The following ZBTB7C variants were observed in gnomAD, a reference collection of about 807,000 sequenced individuals.
The protein encoded by ZBTB7C is zinc finger and BTB domain containing 7C.
In ZBTB7C, 8 loss-of-function variants were observed where a neutral mutation model predicts 25.7. The observed-to-expected ratio is 0.31, with a 90% CI of 0.18 to 0.56. ZBTB7C has a LOEUF of 0.56. Among genes scored for constraint, ZBTB7C ranks in the 20% least tolerant of loss-of-function variants. The pLI, the probability that ZBTB7C is intolerant of heterozygous loss-of-function variation, is 0.91. For synonymous variants in ZBTB7C, 394 were observed against 369.0 expected, an observed-to-expected ratio of 1.07 and a Z score of -0.78; for missense variants, 824 against 855.2, an observed-to-expected ratio of 0.96 and a Z score of 0.46.
chr18:48,118,005 T>C (rs1008711651), intron 3 of ZBTB7C, among the ~76,000 whole-genome samples: 48 of 149,574 alleles, frequency 3.2e-4, no homozygotes, highest in Middle Eastern at 3.5e-3. Flanking sequence ...CTTCTTCTTT[T>C]TTTTTTTTTT....
At chr18:48,347,617 G>T (rs1176764011) in intron 1 of ZBTB7C, among the ~76,000 whole-genome samples, 3 of 152,100 alleles carry the variant, frequency 2.0e-5, no homozygotes, top group African/African-American at 7.2e-5. Context: ...CATGCTATGG[G>T]GTGGGCAGCC....
At chr18:48,359,983 C>T (rs1349928244) in intron 1 of ZBTB7C, among the ~76,000 whole-genome samples, 1 of 152,146 alleles carries the variant, frequency 6.6e-6, no homozygotes, top group Non-Finnish European at 1.5e-5. Context: ...TCCATAGGCC[C>T]AGCCAAAGCA....
rs899141758 is a variant in ZBTB7C at position 48,029,653 on chromosome 18, G to T, written c.1467C>A (p.Ala489=). ...GGCCGCCGGGCCCGAAGAGCAGGCT[G>T]GCGGCCCTCCACGCAGCAGGCTTGC... ...RGRKPAAWRA[A]SLLFGPGGPA... Residue 489 remains alanine, a synonymous_variant, in exon 5 of 5, where the codon GCC becomes GCA. Transcript: ENST00000590800. 13 of 1,552,828 alleles carry T rather than the reference G, an allele frequency of 8.4e-6. No individual in the cohort carries two copies. Among genetic ancestry groups the T allele is most frequent in the Middle Eastern group, 1.7e-4 (1 of 5,804 alleles).
intron 3 of ZBTB7C, among the ~76,000 whole-genome samples, chr18:48,147,293 G>A (rs1222927102): frequency 2.0e-5 from 3 of 152,166 alleles, no homozygotes; most frequent in Non-Finnish European, 4.4e-5. Context: ...GGCCAGGCTG[G>A]TCTCGAACTC....
At chr18:48,349,834 G>T (rs187849470) in intron 1 of ZBTB7C, among the ~76,000 whole-genome samples, 239 of 152,220 alleles carry the variant, frequency 1.6e-3, no homozygotes, top group African/African-American at 5.4e-3. Context: ...TTAAAGGGAG[G>T]GGGAGAGAGA....
chr18:48,162,830 G>A (rs890916252), intron 3 of ZBTB7C, among the ~76,000 whole-genome samples: 2 of 152,226 alleles, frequency 1.3e-5, no homozygotes, highest in African/African-American at 2.4e-5. Context: ...AATAAGAGAC[G>A]CAGGATGGAG....
chr18:48,115,272 G>A (rs182335484), intron 3 of ZBTB7C, among the ~76,000 whole-genome samples: 4 of 150,682 alleles, frequency 2.7e-5, no homozygotes, highest in South Asian at 2.1e-4. Flanking sequence ...TTTTTTAGAC[G>A]GAGTCTTGCT....
chr18:48,197,150 C>T (rs1197251041), intron 2 of ZBTB7C, among the ~76,000 whole-genome samples: 1 of 152,094 alleles, frequency 6.6e-6, no homozygotes, highest in Non-Finnish European at 1.5e-5. Context: ...GGAGCTGCTA[C>T]AGCCATTTTG....
chr18:48,271,544 A>G (rs2044486087), intron 2 of ZBTB7C, among the ~76,000 whole-genome samples: 1 of 148,056 alleles, frequency 6.8e-6, no homozygotes, highest in Non-Finnish European at 1.5e-5. Context: ...ATATATTTCT[A>G]TTAAATATAT....
chr18:48,102,385 T>C (rs546453829), intron 3 of ZBTB7C, among the ~76,000 whole-genome samples: 2 of 152,116 alleles, frequency 1.3e-5, no homozygotes, highest in South Asian at 4.2e-4. Flanking sequence ...GCAACATAGC[T>C]AGACCTTTGT....
At chr18:48,322,733 G>C (rs1050741535) in intron 2 of ZBTB7C, among the ~76,000 whole-genome samples, 7 of 152,160 alleles carry the variant, frequency 4.6e-5, no homozygotes, top group Non-Finnish European at 1.0e-4. Context: ...ACACAAAAAA[G>C]ATACTTGCAC....
chr18:48,287,552 T>C (rs2144669177), intron 2 of ZBTB7C, among the ~76,000 whole-genome samples: 1 of 152,300 alleles, frequency 6.6e-6, no homozygotes, highest in South Asian at 2.1e-4. Context: ...AATGAAAGAC[T>C]ACTTTGTAAC....
At chr18:48,166,565 C>T (rs1444706656) in intron 3 of ZBTB7C, among the ~76,000 whole-genome samples, 1 of 152,196 alleles carries the variant, frequency 6.6e-6, no homozygotes, top group African/African-American at 2.4e-5. Context: ...CCTGTGGAAG[C>T]TCAGAGTCCC....
At chr18:48,297,717 C>T (rs973063968) in intron 2 of ZBTB7C, among the ~76,000 whole-genome samples, 11 of 152,306 alleles carry the variant, frequency 7.2e-5, no homozygotes, top group South Asian at 2.1e-4. Context: ...CCATACATCA[C>T]GGTTAAAAAT....
At chr18:48,092,035 A>G (rs886252477) in intron 3 of ZBTB7C, among the ~76,000 whole-genome samples, 3 of 152,214 alleles carry the variant, frequency 2.0e-5, no homozygotes, top group Non-Finnish European at 4.4e-5. Flanking sequence ...GTGGCAGCAT[A>G]GATTCTATGT....
At chr18:48,303,942 C>T (rs1363316480) in intron 2 of ZBTB7C, among the ~76,000 whole-genome samples, 3 of 152,236 alleles carry the variant, frequency 2.0e-5, no homozygotes, top group Non-Finnish European at 4.4e-5. Context: ...AGGTGCTGTT[C>T]TAAGCCCTTA....
chr18:48,202,478 G>T (rs2042476252), intron 2 of ZBTB7C, among the ~76,000 whole-genome samples: 1 of 151,836 alleles, frequency 6.6e-6, no homozygotes, highest in South Asian at 2.1e-4. Flanking sequence ...ACCAGGTGGG[G>T]GGCGGGGGGT....
chr18:48,273,901 A>C (rs2044564298), intron 2 of ZBTB7C, among the ~76,000 whole-genome samples: 1 of 152,166 alleles, frequency 6.6e-6, no homozygotes. Flanking sequence ...AACAATAAGA[A>C]GGTGTTATTT....
At chr18:48,037,686 T>G (rs2036037173) in intron 4 of ZBTB7C, among the ~76,000 whole-genome samples, 1 of 152,164 alleles carries the variant, frequency 6.6e-6, no homozygotes, top group East Asian at 1.9e-4. Flanking sequence ...GAGACACAGA[T>G]AGATCCTTTT....
Sources: allele counts gnomAD v4.1 joint callset (sites outside exome capture counted in the v4.1 genomes callset), GRCh38; gene constraint gnomAD v4.1.1; transcripts MANE v1.5; gene names NCBI Gene and HGNC (gene_info 2026-07-23, HGNC 2026-07-21).